OTUD7B: variants seen among roughly 807,000 people sequenced by gnomAD.
OTUD7B encodes OTU domain-containing protein 7B.
A neutral mutation model predicts 82.2 loss-of-function variants in OTUD7B; 34 were observed. That is an observed-to-expected ratio of 0.41 (90% CI 0.31 to 0.55). The LOEUF is 0.55. Ranked by LOEUF, OTUD7B falls within the 20% of genes least tolerant of loss-of-function variation. The pLI is 0.20. For missense variants in OTUD7B, 944 were observed against 1,062.1 expected (o/e 0.89, Z 1.55); for synonymous variants, 398 against 402.7 (o/e 0.99, Z 0.14).
At chr1:150,019,652 G>A in the OTUD7B span, among the ~76,000 whole-genome samples, 8 of 152,148 alleles carry the variant, frequency 5.3e-5, no homozygotes, top group African/African-American at 7.2e-5. Context: ...AGCCACTGGC[G>A]CCCTGGCCCA....
At chr1:150,057,521 T>C in the OTUD7B span, among the ~76,000 whole-genome samples, 6 of 152,234 alleles carry the variant, frequency 3.9e-5, no homozygotes, top group Non-Finnish European at 8.8e-5. Flanking sequence ...GAGCTAAGAA[T>C]AGTTCTCCAT....
the OTUD7B span, among the ~76,000 whole-genome samples, chr1:150,033,746 A>T: frequency 1.3e-5 from 2 of 152,094 alleles, no homozygotes; most frequent in African/African-American, 4.8e-5. Flanking sequence ...TTTTTTTGAG[A>T]TGGAATCTCG....
At chr1:150,021,180 T>C in the OTUD7B span, among the ~76,000 whole-genome samples, 2 of 152,218 alleles carry the variant, frequency 1.3e-5, no homozygotes, top group Non-Finnish European at 2.9e-5. Flanking sequence ...GTCAGATTTT[T>C]CCCCCTTCGG....
At chr1:150,027,377 G>A in the OTUD7B span, among the ~76,000 whole-genome samples, 1 of 152,144 alleles carries the variant, frequency 6.6e-6, no homozygotes, top group African/African-American at 2.4e-5. Flanking sequence ...CCTGACGTTA[G>A]GAGTTTGAGA....
the OTUD7B span, among the ~76,000 whole-genome samples, chr1:150,034,587 TA>T: frequency 2.6e-5 from 4 of 152,128 alleles, no homozygotes; most frequent in South Asian, 2.1e-4. Flanking sequence ...AGAGCTACTT[TA>T]AAAAAAGAAA....
intron 6 of OTUD7B, 40 bp from the exon 7 acceptor site, chr1:149,959,836 G>T: frequency 1.5e-6 from 2 of 1,357,674 alleles, no homozygotes; most frequent in African/African-American, 1.4e-5. Flanking sequence ...GCAATTAGAG[G>T]CTGGGTTCTA....
the OTUD7B span, among the ~76,000 whole-genome samples, chr1:150,020,503 C>T: frequency 6.6e-6 from 1 of 152,052 alleles, no homozygotes; most frequent in Admixed American, 6.5e-5. Context: ...TGCCACTGCA[C>T]TCCAGCCTGG....
intron 2 of OTUD7B, among the ~76,000 whole-genome samples, chr1:149,973,631 G>A (rs782158488): frequency 8.0e-5 from 12 of 150,216 alleles, no homozygotes; most frequent in African/African-American, 1.2e-4. Context: ...GATAACAGGC[G>A]CGTGCCACCA....
chr1:149,974,605 A>C (rs1650177319), intron 2 of OTUD7B, among the ~76,000 whole-genome samples: 1 of 127,442 alleles, frequency 7.8e-6, no homozygotes, highest in African/African-American at 3.1e-5. Flanking sequence ...GCTGGAGTGC[A>C]GTGGCAGAAT....
In OTUD7B at chr1:149,958,322, C is replaced by CTTTTT. The variant is rs34299927; in HGVS notation, c.845+1357_845+1361dup. Among the ~76,000 whole-genome samples, 822 of 86,380 alleles carry CTTTTT rather than the reference C, an allele frequency of 9.5e-3. 55 individuals carry two copies. The highest frequency in any genetic ancestry group is 0.014 in the Middle Eastern group (1 of 72). The allele number at this position is 86,380 out of a possible 152,430, so 56.7% of individuals were successfully genotyped here. A position where few individuals can be genotyped will look rare whatever the true frequency, so the allele number is the denominator to read the frequency against. On this transcript the variant is annotated intron_variant, in intron 7 of 11. Coordinates refer to ENST00000581312, the MANE Select transcript of OTUD7B (RefSeq NM_020205.4). ...TATCTCTAAAAACATAAAGGACTACCTTTTTTTTTTTTTTTTTTTTTTTGA... is the reference window on the plus strand; with the variant it reads ...TATCTCTAAAAACATAAAGGACTACCTTTTTTTTTTTTTTTTTTTTTTTTTTTTGA...
At chr1:150,016,138 G>A in the OTUD7B span, among the ~76,000 whole-genome samples, 7,910 of 151,998 alleles carry the variant, frequency 0.052, 703 homozygotes, top group African/African-American at 0.18. Flanking sequence ...TTGTTATATG[G>A]GATAAATGCA....
chr1:149,979,267 C>T (rs187053402), intron 1 of OTUD7B, among the ~76,000 whole-genome samples: 18 of 152,252 alleles, frequency 1.2e-4, no homozygotes, highest in Admixed American at 7.8e-4. Context: ...AGAAATTCTA[C>T]GGCACTTCTT....
At chr1:149,958,769 AGGTCTCTCTTT>A (rs1648913194) in intron 7 of OTUD7B, among the ~76,000 whole-genome samples, 1 of 151,122 alleles carries the variant, frequency 6.6e-6, no homozygotes, top group Non-Finnish European at 1.5e-5. Context: ...TTAGAGACAG[AGGTCTCTCTTT>A]GTCACCCAGG....
rs1176193849 is a variant in OTUD7B at position 149,976,633 on chromosome 1, A to AAAAAAAAAAAAAT, written c.85+792_85+793insATTTTTTTTTTTT. Among the ~76,000 whole-genome samples the AAAAAAAAAAAAAT allele has an allele frequency of 1.2e-4, 12 of 102,646 alleles. 2 individuals are homozygous for AAAAAAAAAAAAAT. Among genetic ancestry groups the AAAAAAAAAAAAAT allele is most frequent in the East Asian group, 2.8e-4 (1 of 3,580 alleles). The allele number at this position is 102,646 out of a possible 152,430, so 67.3% of individuals were successfully genotyped here. ...TCTACAAAAAAAAAAAAAAAAAAAT[A>AAAAAAAAAAAAAT]CTAGAACATTCAAACTTATGTGTAT... On this transcript the variant is annotated intron_variant, in intron 2 of 11. Transcript: ENST00000581312.
the OTUD7B span, among the ~76,000 whole-genome samples, chr1:150,023,332 C>T: frequency 7.3e-4 from 111 of 152,276 alleles, no homozygotes; most frequent in African/African-American, 2.2e-3. Context: ...AAGAGATATA[C>T]GCACTCCCAT....
upstream of OTUD7B, among the ~76,000 whole-genome samples, chr1:150,015,566 C>G (rs1296120608): frequency 6.6e-6 from 1 of 152,106 alleles, no homozygotes; most frequent in African/African-American, 2.4e-5. Flanking sequence ...CAAGCGTGAG[C>G]CCAAAGTGCT....
chr1:150,065,053 T>A, the OTUD7B span, among the ~76,000 whole-genome samples: 2 of 150,720 alleles, frequency 1.3e-5, no homozygotes, highest in African/African-American at 2.4e-5. Flanking sequence ...ACTTACATAT[T>A]TACAAGCCTA....
At chr1:149,953,920 T>C (rs144190905) in intron 7 of OTUD7B, among the ~76,000 whole-genome samples, 1,887 of 152,366 alleles carry the variant, frequency 0.012, 19 homozygotes, top group Non-Finnish European at 0.02. Flanking sequence ...CTGCTGAAGT[T>C]GCTTATCAGC....
the OTUD7B span, among the ~76,000 whole-genome samples, chr1:150,023,671 A>G: frequency 2.6e-5 from 4 of 152,212 alleles, no homozygotes; most frequent in South Asian, 2.1e-4. Flanking sequence ...CAAAGGATAC[A>G]AAGTTTCAGT....
Sources: gnomAD v4.1 joint callset for allele counts (sites outside exome capture counted in the v4.1 genomes callset) on GRCh38, gnomAD v4.1.1 for gene constraint, MANE v1.5 for transcripts, NCBI Gene and HGNC (gene_info 2026-07-23, HGNC 2026-07-21) for gene names.